STXBP5L: variants seen among roughly 807,000 people sequenced by gnomAD.
STXBP5L encodes the protein syntaxin binding protein 5L, also known as syntaxin-binding protein 5-like.
Under a neutral mutation model 144.5 loss-of-function variants are expected in STXBP5L, and 65 were observed. That is an observed-to-expected ratio of 0.45 (90% CI 0.37 to 0.55). STXBP5L has a LOEUF of 0.55. Among genes scored for constraint, STXBP5L ranks in the 20% least tolerant of loss-of-function variants. The pLI is 0.00. For synonymous variants in STXBP5L, 505 were observed against 469.6 expected, an observed-to-expected ratio of 1.08 and a Z score of -0.97; for missense variants, 1,298 against 1,405.5, an observed-to-expected ratio of 0.92 and a Z score of 1.22.
intron 20 of STXBP5L, among the ~76,000 whole-genome samples, chr3:121,350,454 G>T (rs558890220): frequency 6.6e-6 from 1 of 151,976 alleles, no homozygotes; most frequent in Admixed American, 6.6e-5. Flanking sequence ...TGCTCTTCTC[G>T]AGGAGTATCT....
chr3:121,006,000 G>A (rs1381035804), intron 3 of STXBP5L, among the ~76,000 whole-genome samples: 1 of 152,128 alleles, frequency 6.6e-6, no homozygotes, highest in Non-Finnish European at 1.5e-5. Context: ...AATAGGTATG[G>A]TGTGGTGCTG....
At chr3:121,255,582 A>C (rs1290655938) in intron 16 of STXBP5L, among the ~76,000 whole-genome samples, 1 of 152,032 alleles carries the variant, frequency 6.6e-6, no homozygotes, top group African/African-American at 2.4e-5. Flanking sequence ...TATAAAAATC[A>C]AATTAATGCA....
chr3:121,371,867 G>T (rs770485994), intron 20 of STXBP5L, among the ~76,000 whole-genome samples: 2 of 152,216 alleles, frequency 1.3e-5, no homozygotes, highest in Non-Finnish European at 2.9e-5. Flanking sequence ...CTCCTTGACT[G>T]CCAATGCTTC....
chr3:121,419,034 G>A (rs781317023), intron 26 of STXBP5L, 22 bp from the exon 27 acceptor site: 2 of 1,609,080 alleles, frequency 1.2e-6, no homozygotes, highest in African/African-American at 2.7e-5. Context: ...AGCGTCTTAT[G>A]GTGGCTATTT....
At chr3:121,048,196 A>C (rs1305797006) in intron 5 of STXBP5L, among the ~76,000 whole-genome samples, 2 of 151,640 alleles carry the variant, frequency 1.3e-5, no homozygotes, top group African/African-American at 2.4e-5. Flanking sequence ...CTGGCTTGTA[A>C]GGTTTCTATT....
At chr3:121,014,293 G>A (rs1205661197) in intron 3 of STXBP5L, among the ~76,000 whole-genome samples, 1 of 151,874 alleles carries the variant, frequency 6.6e-6, no homozygotes, top group Non-Finnish European at 1.5e-5. Flanking sequence ...CTATTTGTTT[G>A]TGTCATCTAC....
chr3:121,039,714 T>C (rs1947013049), intron 3 of STXBP5L, among the ~76,000 whole-genome samples: 1 of 151,720 alleles, frequency 6.6e-6, no homozygotes, highest in Non-Finnish European at 1.5e-5. Context: ...TTGGTCATTA[T>C]TTAAAAAAAA....
At chr3:121,156,803 T>C (rs2046130257) in intron 8 of STXBP5L, among the ~76,000 whole-genome samples, 1 of 152,002 alleles carries the variant, frequency 6.6e-6, no homozygotes, top group Non-Finnish European at 1.5e-5. Context: ...ATCATTTACA[T>C]TCTATTAGTA....
chr3:121,069,419 T>C (rs2041702596), intron 5 of STXBP5L, among the ~76,000 whole-genome samples: 1 of 152,170 alleles, frequency 6.6e-6, no homozygotes, highest in African/African-American at 2.4e-5. Context: ...ATTGTTTCCA[T>C]TGTGAACTTA....
intron 3 of STXBP5L, among the ~76,000 whole-genome samples, chr3:121,037,078 T>C (rs946920397): frequency 6.6e-6 from 1 of 151,876 alleles, no homozygotes; most frequent in Admixed American, 6.6e-5. Context: ...CAGCACACAT[T>C]ATCATGCACA....
intron 5 of STXBP5L, among the ~76,000 whole-genome samples, chr3:121,054,629 A>T (rs1488642285): frequency 6.6e-6 from 1 of 150,404 alleles, no homozygotes; most frequent in Non-Finnish European, 1.5e-5. Context: ...TAGGAGATAT[A>T]CCTAATGGTA....
At chr3:120,977,856 A>C (rs1210238148) in intron 3 of STXBP5L, among the ~76,000 whole-genome samples, 2 of 152,304 alleles carry the variant, frequency 1.3e-5, no homozygotes, top group South Asian at 4.1e-4. Flanking sequence ...TTTCTTTAAG[A>C]ATGTTGAATA....
At chr3:121,301,776 AG>A (rs1387975494) in intron 19 of STXBP5L, among the ~76,000 whole-genome samples, 1 of 152,128 alleles carries the variant, frequency 6.6e-6, no homozygotes, top group Non-Finnish European at 1.5e-5. Flanking sequence ...ATTTTGTCAA[AG>A]GCCTTTTCTG....
chr3:121,053,530 G>T (rs1466214209), intron 5 of STXBP5L, among the ~76,000 whole-genome samples: 1 of 152,156 alleles, frequency 6.6e-6, no homozygotes, highest in Non-Finnish European at 1.5e-5. Context: ...GGGAAAACTG[G>T]CTAGACATGT....
At chr3:121,167,007 C>A (rs1297897873) in intron 9 of STXBP5L, among the ~76,000 whole-genome samples, 2 of 151,926 alleles carry the variant, frequency 1.3e-5, no homozygotes, top group African/African-American at 2.4e-5. Flanking sequence ...AACGAAGGAG[C>A]CTAAAAATAT....
At chr3:120,992,121 A>G (rs539269305) in intron 3 of STXBP5L, among the ~76,000 whole-genome samples, 3 of 152,190 alleles carry the variant, frequency 2.0e-5, no homozygotes, top group South Asian at 2.1e-4. Flanking sequence ...ATCTATGTCA[A>G]TCTGCTTTTT....
chr3:121,103,870 T>C (rs2043556435), intron 5 of STXBP5L, among the ~76,000 whole-genome samples: 1 of 152,198 alleles, frequency 6.6e-6, no homozygotes, highest in South Asian at 2.1e-4. Flanking sequence ...TCTTAGTGTT[T>C]TGCCACTTAA....
intron 3 of STXBP5L, among the ~76,000 whole-genome samples, chr3:120,985,841 G>T (rs1251312663): frequency 1.3e-5 from 2 of 151,432 alleles, no homozygotes; most frequent in Non-Finnish European, 3.0e-5. Context: ...AAAGGTTTGT[G>T]AATTTTGTTC....
intron 20 of STXBP5L, among the ~76,000 whole-genome samples, chr3:121,352,194 A>G (rs757598396): frequency 1.1e-4 from 17 of 152,084 alleles, no homozygotes; most frequent in Non-Finnish European, 2.2e-4. Context: ...TATGAACTTT[A>G]AAGTATTTTT....
Sources: allele counts gnomAD v4.1 joint callset (sites outside exome capture counted in the v4.1 genomes callset), GRCh38; gene constraint gnomAD v4.1.1; transcripts MANE v1.5; gene names NCBI Gene and HGNC (gene_info 2026-07-23, HGNC 2026-07-21).